Variants in POLI observed in about 807,000 individuals in gnomAD.
POLI encodes the protein RAD30 homolog B.
Under a neutral mutation model 51.6 loss-of-function variants are expected in POLI, and 58 were observed. That is an observed-to-expected ratio of 1.12 (90% CI 0.91 to 1.40). POLI has a LOEUF of 1.40. Among genes scored for constraint, POLI ranks in the 40% most tolerant of loss-of-function variants. The pLI is 0.00. For missense variants in POLI, 921 were observed against 871.3 expected, an observed-to-expected ratio of 1.06 and a Z score of -0.72; for synonymous variants, 322 against 299.7, an observed-to-expected ratio of 1.07 and a Z score of -0.77.
intron 4 of POLI, among the ~76,000 whole-genome samples, chr18:54,279,050 G>A (rs635784): frequency 0.25 from 38,475 of 151,986 alleles, 5,084 homozygotes; most frequent in Middle Eastern, 0.3. Flanking sequence ...ATATATTTCT[G>A]TATAATTTTT....
chr18:54,295,722 G>T lies in POLI; in HGVS notation c.*1255G>T, dbSNP rs567107970. The T allele has an allele frequency of 1.5e-3, 309 of 206,074 alleles. No homozygotes were observed. Among genetic ancestry groups the T allele is most frequent in the Admixed American group, 3.7e-3 (57 of 15,330 alleles). 12.8% of individuals were successfully genotyped at this position (206,074 alleles called of 1,614,324 possible). A position where few individuals can be genotyped will look rare whatever the true frequency, so the allele number is the denominator to read the frequency against. On this transcript the variant is annotated 3_prime_UTR_variant, in exon 10 of 10. Coordinates refer to ENST00000579534, the MANE Select transcript of POLI (RefSeq NM_007195.3). ...AGCTCACTACAACCTCCGCCTCCCA[G>T]GTTCAAGCAATTCTCCTGCCTCAGC... is the stretch of plus-strand genomic sequence containing the variant.
At chr18:54,316,746 G>A (rs955542032) in intron 3 of POLI, among the ~76,000 whole-genome samples, 2 of 151,944 alleles carry the variant, frequency 1.3e-5, no homozygotes. Flanking sequence ...TGAAATATTT[G>A]GTAAAAGGAA....
intron 4 of POLI, among the ~76,000 whole-genome samples, chr18:54,278,473 A>T (rs2087351095): frequency 6.6e-6 from 1 of 151,970 alleles, no homozygotes; most frequent in Non-Finnish European, 1.5e-5. Flanking sequence ...TTCCCCTTTG[A>T]TGTGTGTTTT....
At chr18:54,269,483 C>T (rs1160881740), upstream of POLI, 13 of 1,484,700 alleles carry the variant, frequency 8.8e-6, no homozygotes, top group Middle Eastern at 2.1e-4. Flanking sequence ...GACTGTAGTC[C>T]CCCGGTTTCC....
At chr18:54,272,453 G>C (rs777259587) in intron 2 of POLI, among the ~76,000 whole-genome samples, 2 of 152,108 alleles carry the variant, frequency 1.3e-5, no homozygotes, top group Non-Finnish European at 2.9e-5. Context: ...GGGGGAAAAC[G>C]AAAGTAGTCT....
intron 9 of POLI, among the ~76,000 whole-genome samples, chr18:54,292,265 A>G (rs950250968): frequency 1.3e-5 from 2 of 152,132 alleles, no homozygotes; most frequent in Admixed American, 6.5e-5. Context: ...AGAGAGAACC[A>G]TTATGGAGGT....
At position 54,291,869 on chromosome 18, in the gene POLI, T is replaced by G; in HGVS notation, c.1235T>G (p.Leu412Arg). Reference protein sequence around the residue: ...YDVMTPMVDILMKLFRNMVNV... With the variant: ...YDVMTPMVDIRMKLFRNMVNV... ...GTGATGACCCCAATGGTTGATATAC[T>G]TATGAAACTTTTTCGAAATATGGTG... Residue 412 changes from leucine to arginine, a missense_variant, in exon 9 of 10, where the codon CTT becomes CGT. By Grantham distance (102) the Leu-to-Arg change is moderately radical. Coordinates refer to ENST00000579534, the MANE Select transcript of POLI (RefSeq NM_007195.3). 1.2e-6 allele frequency: 2 copies of G among 1,602,852 alleles called. No homozygotes were observed. Among genetic ancestry groups the G allele is most frequent in the Non-Finnish European group, 1.7e-6 (2 of 1,170,638 alleles).
chr18:54,278,143 C>T (rs189682392), intron 4 of POLI, among the ~76,000 whole-genome samples: 2 of 152,240 alleles, frequency 1.3e-5, no homozygotes, highest in South Asian at 2.1e-4. Context: ...TTTCGTCTGA[C>T]ACAGTGCATT....
chr18:54,308,359 A>T (rs993320506), intron 3 of POLI, among the ~76,000 whole-genome samples: 1 of 152,224 alleles, frequency 6.6e-6, no homozygotes, highest in African/African-American at 2.4e-5. Flanking sequence ...TTGACTGGAT[A>T]TGAAATTGTG....
At chr18:54,298,663 T>A (rs552382758), downstream of POLI, among the ~76,000 whole-genome samples, 5 of 149,050 alleles carry the variant, frequency 3.4e-5, no homozygotes, top group Admixed American at 6.7e-5. Context: ...TGATCTTGAC[T>A]CACTGCAACC....
chr18:54,273,893 G>C (rs759413509), intron 2 of POLI, 33 bp from the exon 3 acceptor site: 1 of 1,301,898 alleles, frequency 7.7e-7, no homozygotes, highest in Non-Finnish European at 1.0e-6. Flanking sequence ...TTCTTCAATT[G>C]TGCTTGGGTT....
chr18:54,286,883 G>A (rs984988711), intron 7 of POLI, among the ~76,000 whole-genome samples: 1 of 152,096 alleles, frequency 6.6e-6, no homozygotes, highest in Non-Finnish European at 1.5e-5. Flanking sequence ...GGTGAAGGTT[G>A]CAGTGAGCTG....
intron 3 of POLI, among the ~76,000 whole-genome samples, chr18:54,276,445 T>C (rs1250054493): frequency 3.3e-5 from 5 of 152,204 alleles, no homozygotes; most frequent in African/African-American, 4.8e-5. Context: ...TATTTAGTGA[T>C]CCACCAGCTT....
intron 3 of POLI, among the ~76,000 whole-genome samples, chr18:54,308,898 C>T (rs1289276474): frequency 1.3e-5 from 2 of 152,188 alleles, no homozygotes; most frequent in East Asian, 1.9e-4. Flanking sequence ...GTGCATGCAT[C>T]ACGTAGTTCT....
downstream of POLI, among the ~76,000 whole-genome samples, chr18:54,302,274 A>G (rs2088505980): frequency 6.6e-6 from 1 of 152,210 alleles, no homozygotes; most frequent in Non-Finnish European, 1.5e-5. Context: ...CTCAGCATTC[A>G]ATATGTATAC....
chr18:54,307,768 C>T (rs2088611876), intron 3 of POLI, among the ~76,000 whole-genome samples: 1 of 152,068 alleles, frequency 6.6e-6, no homozygotes. Context: ...CTGGGTGCTC[C>T]TGTATTGGGT....
At position 54,297,010 on chromosome 18, in the gene POLI, T is replaced by G. The variant is rs1211372442; in HGVS notation, c.*2543T>G. Reference sequence around the variant, plus strand: ...GGGCCTAAATTGTGTATGTTTTCCTTCAGTATGATTTGAGTTCGTTGCTTC... The same window carrying G: ...GGGCCTAAATTGTGTATGTTTTCCTGCAGTATGATTTGAGTTCGTTGCTTC... On this transcript the variant is annotated 3_prime_UTR_variant, in exon 10 of 10. Coordinates refer to ENST00000579534, the MANE Select transcript of POLI (RefSeq NM_007195.3). The G allele has an allele frequency of 4.1e-6, 4 of 985,312 alleles. No individual in the cohort carries two copies. The highest frequency in any genetic ancestry group is 3.5e-5 in the African/African-American group (2 of 57,238). The allele number at this position is 985,312 out of a possible 1,614,324, so 61.0% of individuals were successfully genotyped here.
chr18:54,318,714 A>C (rs1472905408), intron 3 of POLI, among the ~76,000 whole-genome samples: 1 of 152,230 alleles, frequency 6.6e-6, no homozygotes, highest in Non-Finnish European at 1.5e-5. Context: ...AACCAATTTC[A>C]AACCTTCCAC....
chr18:54,296,781 A>G lies in POLI; in HGVS notation c.*2314A>G, dbSNP rs990765177. 2.1e-5 allele frequency: 9 copies of G among 434,134 alleles called. No individual in the cohort carries two copies. Among genetic ancestry groups the G allele is most frequent in the African/African-American group, 2.0e-4 (9 of 45,946 alleles). 26.9% of individuals were successfully genotyped at this position (434,134 alleles called of 1,614,324 possible). On this transcript the variant is annotated 3_prime_UTR_variant, in exon 10 of 10. Transcript: ENST00000579534. Reference sequence around the variant, plus strand: ...ACAATGATGGTTTTAATTTCAATAAATATATTTTTCATTTGATTCTTTTTA... The same window carrying G: ...ACAATGATGGTTTTAATTTCAATAAGTATATTTTTCATTTGATTCTTTTTA...
Sources: allele counts gnomAD v4.1 joint callset (sites outside exome capture counted in the v4.1 genomes callset), GRCh38; gene constraint gnomAD v4.1.1; transcripts MANE v1.5; gene names NCBI Gene and HGNC (gene_info 2026-07-23, HGNC 2026-07-21).